The following CMSS1 variants were observed in gnomAD, a reference collection of about 807,000 sequenced individuals.
CMSS1 encodes cms1 ribosomal small subunit homolog.
A neutral mutation model predicts 43.5 loss-of-function variants in CMSS1; 33 were observed. That is an observed-to-expected ratio of 0.76 (90% CI 0.57 to 1.01). CMSS1 has a LOEUF of 1.01. Among genes scored for constraint, CMSS1 ranks in the 50% least tolerant of loss-of-function variants. The pLI is 0.00. For synonymous variants in CMSS1, 115 were observed against 117.2 expected (o/e 0.98, Z 0.12); for missense variants, 313 against 326.4 (o/e 0.96, Z 0.32).
At chr3:100,018,350 G>A (rs749358587) in intron 1 of CMSS1, among the ~76,000 whole-genome samples, 3 of 152,028 alleles carry the variant, frequency 2.0e-5, no homozygotes, top group South Asian at 4.2e-4. Flanking sequence ...AGAAAGAAAG[G>A]TGAAGCAAGC....
At chr3:99,893,266 C>T (rs992501998) in intron 1 of CMSS1, among the ~76,000 whole-genome samples, 14 of 150,512 alleles carry the variant, frequency 9.3e-5, no homozygotes, top group South Asian at 8.5e-4. Context: ...CCCGGGTTCA[C>T]GCCATTCTCC....
rs1439250994 is a variant in CMSS1 at position 100,180,264 on chromosome 3, C to T, written c.*1876C>T. 2 of 152,240 alleles carry T rather than the reference C, an allele frequency of 1.3e-5. No individual in the cohort carries two copies. Among genetic ancestry groups the T allele is most frequent in the African/African-American group, 2.4e-5 (1 of 41,452 alleles). The allele number at this position is 152,240 out of a possible 1,614,324, so 9.4% of individuals were successfully genotyped here. ...TTGTTTTGGCTATTAACATTTGGCT[C>T]CTCTTGTGCAAACTTCTGCAGTGAG... On this transcript the variant is annotated 3_prime_UTR_variant, in exon 10 of 10. Transcript: ENST00000421999.
chr3:99,867,823 C>T (rs899270408), intron 1 of CMSS1, among the ~76,000 whole-genome samples: 5 of 152,040 alleles, frequency 3.3e-5, no homozygotes, highest in African/African-American at 7.2e-5. Flanking sequence ...AATGGAAAAC[C>T]GTAATTGGAA....
At position 100,001,081 on chromosome 3, in the gene CMSS1, T is replaced by C. The variant is rs185796876; in HGVS notation, c.65-145892T>C. 4.7e-3 allele frequency among the ~76,000 whole-genome samples: 716 copies of C among 152,326 alleles called. 2 individuals carry two copies. Among genetic ancestry groups the C allele is most frequent in the Non-Finnish European group, 8.4e-3 (574 of 68,020 alleles). On this transcript the variant is annotated intron_variant, in intron 1 of 9. Transcript: ENST00000421999. ...CTCTTCCCAAAAATATTATTGTGCC[T>C]ACTTATTAATGCAGTTATTTTAGAG...
intron 1 of CMSS1, chr3:99,830,444 GT>G (rs1024805940): frequency 9.9e-5 from 45 of 455,066 alleles, no homozygotes; most frequent in Non-Finnish European, 1.6e-4. Flanking sequence ...GGAGGAAGGT[GT>G]TGGAGGTGAC....
chr3:100,180,177 T>C lies in CMSS1; in HGVS notation c.*1789T>C, dbSNP rs111952804. 1 of 152,286 alleles carries C rather than the reference T, an allele frequency of 6.6e-6. No homozygotes were observed. The highest frequency in any genetic ancestry group is 1.5e-5 in the Non-Finnish European group (1 of 68,108). 9.4% of individuals were successfully genotyped at this position (152,286 alleles called of 1,614,324 possible). A position where few individuals can be genotyped will look rare whatever the true frequency, so the allele number is the denominator to read the frequency against. On this transcript the variant is annotated 3_prime_UTR_variant, in exon 10 of 10. Coordinates refer to ENST00000421999, the MANE Select transcript of CMSS1 (RefSeq NM_032359.4). Reference sequence around the variant, plus strand: ...TTTCCTCCTAGGCCTCTGGGCCTGTTTGGTGGGGCTGGGGAGGGCTGCCAC... The same window carrying C: ...TTTCCTCCTAGGCCTCTGGGCCTGTCTGGTGGGGCTGGGGAGGGCTGCCAC...
chr3:100,072,313 GC>G (rs1170995127), intron 1 of CMSS1, among the ~76,000 whole-genome samples: 2 of 152,172 alleles, frequency 1.3e-5, no homozygotes, highest in African/African-American at 4.8e-5. Context: ...TTGGCCTCCT[GC>G]CCTAGTTCAT....
intron 1 of CMSS1, among the ~76,000 whole-genome samples, chr3:99,978,419 G>A (rs1311877235): frequency 6.6e-6 from 1 of 152,090 alleles, no homozygotes; most frequent in East Asian, 1.9e-4. Flanking sequence ...TAAAGAAAAT[G>A]TGGTATATCT....
intron 1 of CMSS1, among the ~76,000 whole-genome samples, chr3:100,054,793 C>T (rs911412837): frequency 6.6e-6 from 1 of 152,160 alleles, no homozygotes; most frequent in Non-Finnish European, 1.5e-5. Flanking sequence ...CTCTGGATCC[C>T]GTAACCTTGC....
At chr3:100,055,950 A>T (rs2065457220) in intron 1 of CMSS1, among the ~76,000 whole-genome samples, 2 of 152,218 alleles carry the variant, frequency 1.3e-5, no homozygotes, top group Admixed American at 1.3e-4. Context: ...TGTATTATAG[A>T]TAACACTTGT....
rs375713503 is a variant in CMSS1, at chr3:100,174,369, C to G, written c.668-1958C>G. On this transcript the variant is annotated intron_variant, in intron 8 of 9. Coordinates refer to ENST00000421999, the MANE Select transcript of CMSS1 (RefSeq NM_032359.4). ...TGTGTCACCAGACTTCCCCAGCCCCCACCCCATGCAACAGGATTACTCTTC... is the reference window on the plus strand; with the variant it reads ...TGTGTCACCAGACTTCCCCAGCCCCGACCCCATGCAACAGGATTACTCTTC... 1.1e-3 allele frequency among the ~76,000 whole-genome samples: 172 copies of G among 152,172 alleles called. 1 individual carries two copies. The highest frequency in any genetic ancestry group is 6.8e-3 in the Middle Eastern group (2 of 294).
intron 1 of CMSS1, among the ~76,000 whole-genome samples, chr3:100,111,195 C>T (rs1303973469): frequency 1.3e-5 from 2 of 152,046 alleles, no homozygotes; most frequent in Non-Finnish European, 2.9e-5. Context: ...CCTAGAAGGG[C>T]AATGGAGGCA....
chr3:99,950,816 C>A (rs1279401315), intron 1 of CMSS1, among the ~76,000 whole-genome samples: 1 of 151,668 alleles, frequency 6.6e-6, no homozygotes, highest in Non-Finnish European at 1.5e-5. Context: ...CAAAACAGAG[C>A]TATGTATTTG....
chr3:99,856,077 C>A (rs1003258139), intron 1 of CMSS1, among the ~76,000 whole-genome samples: 2 of 152,058 alleles, frequency 1.3e-5, no homozygotes, highest in Non-Finnish European at 2.9e-5. Flanking sequence ...TGGTTCTGAA[C>A]CTGTTGCTGC....
intron 1 of CMSS1, among the ~76,000 whole-genome samples, chr3:99,842,505 A>C (rs1206303506): frequency 2.6e-4 from 3 of 11,492 alleles, no homozygotes; most frequent in African/African-American, 1.1e-3. Context: ...AAAACAGGCC[A>C]AAAAAAAAAA....
intron 1 of CMSS1, among the ~76,000 whole-genome samples, chr3:99,996,400 T>C (rs2107149283): frequency 6.6e-6 from 1 of 152,288 alleles, no homozygotes; most frequent in East Asian, 1.9e-4. Context: ...AGCAAGTCTC[T>C]AGGAAGTTCC....
At chr3:99,909,531 T>G (rs932481789) in intron 1 of CMSS1, among the ~76,000 whole-genome samples, 113 of 152,174 alleles carry the variant, frequency 7.4e-4, no homozygotes, top group African/African-American at 2.7e-3. Flanking sequence ...ACATAATCAT[T>G]CATGGCAAGG....
intron 1 of CMSS1, among the ~76,000 whole-genome samples, chr3:100,119,847 A>G (rs1395641145): frequency 6.6e-6 from 1 of 152,236 alleles, no homozygotes; most frequent in Non-Finnish European, 1.5e-5. Flanking sequence ...ATGTTCCTTA[A>G]GAGTGGGATT....
At chr3:99,996,151 ACCTCTT>A (rs1383065877) in intron 1 of CMSS1, among the ~76,000 whole-genome samples, 40 of 152,270 alleles carry the variant, frequency 2.6e-4, no homozygotes, top group African/African-American at 9.1e-4. Context: ...CACCCAGGTC[ACCTCTT>A]GAATGCTTTG....
Sources: gnomAD v4.1 joint callset for allele counts (sites outside exome capture counted in the v4.1 genomes callset) on GRCh38, gnomAD v4.1.1 for gene constraint, MANE v1.5 for transcripts, NCBI Gene and HGNC (gene_info 2026-07-23, HGNC 2026-07-21) for gene names.